Variants in CCDC7 observed in about 807,000 individuals in gnomAD.
CCDC7 encodes the protein coiled-coil domain-containing protein 7.
In CCDC7, 183 loss-of-function variants were observed where a neutral mutation model predicts 196.9. The observed-to-expected ratio is 0.93, with a 90% CI of 0.82 to 1.05. CCDC7 has a LOEUF of 1.05. CCDC7 is among the 50% of genes least tolerant of loss of function. CCDC7 has a pLI of 0.00. For synonymous variants in CCDC7, 525 were observed against 484.6 expected (o/e 1.08, Z -1.10); for missense variants, 1,540 against 1,482.2 (o/e 1.04, Z -0.64).
At chr10:32,672,666 G>T (rs16933594) in intron 21 of CCDC7, among the ~76,000 whole-genome samples, 21,538 of 152,026 alleles carry the variant, frequency 0.14, 1,879 homozygotes, top group African/African-American at 0.25. Context: ...TCAGGCCGTT[G>T]GGAACCATGG....
chr10:32,851,899 A>C (rs1253836458), exon 40 of CCDC7: 1 of 1,608,726 alleles, frequency 6.2e-7, no homozygotes, highest in African/African-American at 1.3e-5. Context: ...TTCTAAAGAC[A>C]TCCACCTTCC....
At chr10:32,558,751 G>C (rs546496580) in intron 13 of CCDC7, among the ~76,000 whole-genome samples, 186 of 152,362 alleles carry the variant, frequency 1.2e-3, no homozygotes, top group Non-Finnish European at 2.2e-3. Flanking sequence ...GCAGAAGACG[G>C]GTGATTTCTG....
intron 32 of CCDC7, among the ~76,000 whole-genome samples, chr10:32,828,559 A>AAG (rs1565636072): frequency 4.5e-5 from 6 of 133,024 alleles, no homozygotes; most frequent in Middle Eastern, 3.6e-3. Flanking sequence ...GAAGAAGAAG[A>AAG]AAGAAGAAGA....
chr10:32,486,424 A>G (rs182050972), intron 8 of CCDC7, among the ~76,000 whole-genome samples: 17 of 151,674 alleles, frequency 1.1e-4, no homozygotes, highest in African/African-American at 3.9e-4. Context: ...TGAATACAGC[A>G]CACTGATGGG....
intron 13 of CCDC7, among the ~76,000 whole-genome samples, chr10:32,563,088 A>T (rs1461666637): frequency 1.2e-4 from 19 of 152,252 alleles, no homozygotes; most frequent in Non-Finnish European, 2.4e-4. Context: ...AATCCAACTT[A>T]CAAGGGATGT....
At chr10:32,461,734 TATATATATATATATATAC>T (rs746922699) in intron 3 of CCDC7, among the ~76,000 whole-genome samples, 12,335 of 82,000 alleles carry the variant, frequency 0.15, 986 homozygotes, top group East Asian at 0.51. Flanking sequence ...TATATATGTA[TATATATATATATATATAC>T]ATATATATAT....
chr10:32,564,893 C>T (rs1385606599), intron 13 of CCDC7, among the ~76,000 whole-genome samples: 3 of 152,122 alleles, frequency 2.0e-5, no homozygotes, highest in African/African-American at 4.8e-5. Flanking sequence ...AGGAGGATGG[C>T]TTGAGCCTAT....
chr10:32,574,655 G>A (rs2057988045), intron 16 of CCDC7: 1 of 391,022 alleles, frequency 2.6e-6, no homozygotes, highest in Non-Finnish European at 4.1e-6. Context: ...TTCACATCAT[G>A]TGCGTTGTTA....
chr10:32,780,408 A>G (rs953833047), intron 29 of CCDC7, among the ~76,000 whole-genome samples: 1 of 152,210 alleles, frequency 6.6e-6, no homozygotes, highest in African/African-American at 2.4e-5. Flanking sequence ...TATAATACTC[A>G]AAAGACAAAT....
chr10:32,638,973 T>C (rs963110592), intron 20 of CCDC7, among the ~76,000 whole-genome samples: 3 of 152,168 alleles, frequency 2.0e-5, no homozygotes, highest in Admixed American at 6.5e-5. Context: ...ATGTTTGTTT[T>C]GAAGAATTTA....
intron 18 of CCDC7, among the ~76,000 whole-genome samples, chr10:32,603,455 G>C (rs2061271961): frequency 6.6e-6 from 1 of 151,848 alleles, no homozygotes; most frequent in Non-Finnish European, 1.5e-5. Flanking sequence ...CATTTCCTTT[G>C]GATAAACCCA....
At chr10:32,546,352 G>A (rs987633421) in intron 13 of CCDC7, among the ~76,000 whole-genome samples, 2 of 152,168 alleles carry the variant, frequency 1.3e-5, no homozygotes, top group Non-Finnish European at 1.5e-5. Context: ...ATTGCAAAAT[G>A]TTTAAAAAGA....
chr10:32,504,121 T>TG (rs1261050415), intron 9 of CCDC7, among the ~76,000 whole-genome samples: 2 of 142,864 alleles, frequency 1.4e-5, no homozygotes, highest in East Asian at 2.0e-4. Flanking sequence ...GCTGGTTTTT[T>TG]TTTTTTTTTT....
intron 26 of CCDC7, among the ~76,000 whole-genome samples, chr10:32,727,510 C>T (rs529275534): frequency 5.9e-5 from 9 of 152,066 alleles, no homozygotes; most frequent in South Asian, 4.2e-4. Flanking sequence ...GAGGGAGTAA[C>T]ACTTCATTAA....
At chr10:32,679,291 C>T (rs2075500960) in intron 21 of CCDC7, among the ~76,000 whole-genome samples, 1 of 152,136 alleles carries the variant, frequency 6.6e-6, no homozygotes, top group Non-Finnish European at 1.5e-5. Flanking sequence ...ATAGATTCCT[C>T]TGACCTGTGG....
chr10:32,543,014 T>C (rs2051760735), intron 11 of CCDC7, among the ~76,000 whole-genome samples: 1 of 152,194 alleles, frequency 6.6e-6, no homozygotes, highest in African/African-American at 2.4e-5. Context: ...AGTGAGGTGA[T>C]TTTCAGGAAG....
intron 28 of CCDC7, among the ~76,000 whole-genome samples, chr10:32,750,580 C>T (rs2075504802): frequency 1.3e-5 from 2 of 152,136 alleles, no homozygotes; most frequent in Admixed American, 1.3e-4. Flanking sequence ...CATGGAAATA[C>T]ATTCCTTGAT....
intron 29 of CCDC7, among the ~76,000 whole-genome samples, chr10:32,788,320 T>C (rs1383735631): frequency 6.6e-6 from 1 of 152,166 alleles, no homozygotes; most frequent in Non-Finnish European, 1.5e-5. Context: ...TATACCAGCC[T>C]CTGTGACCCT....
chr10:32,579,881 A>G (rs2058580839), intron 16 of CCDC7, among the ~76,000 whole-genome samples: 1 of 152,064 alleles, frequency 6.6e-6, no homozygotes. Context: ...GTTATTTCCC[A>G]CTTCAGCGGT....
Sources: gnomAD v4.1 joint callset for allele counts (sites outside exome capture counted in the v4.1 genomes callset) on GRCh38, gnomAD v4.1.1 for gene constraint, MANE v1.5 for transcripts, NCBI Gene and HGNC (gene_info 2026-07-23, HGNC 2026-07-21) for gene names.